The following QRSL1 variants were observed in gnomAD, a reference collection of about 807,000 sequenced individuals.
The protein encoded by QRSL1 is glutamyl-tRNA(Gln) amidotransferase subunit A, mitochondrial.
Under a neutral mutation model 61.6 loss-of-function variants are expected in QRSL1, and 54 were observed. The ratio of observed to expected loss-of-function variants is 0.88; its 90% confidence interval spans 0.70 to 1.10. The LOEUF is 1.10. Ranked by LOEUF, QRSL1 falls within the 50% of genes least tolerant of loss-of-function variation. QRSL1 has a pLI of 0.00. For missense variants in QRSL1, 505 were observed against 622.6 expected (o/e 0.81, Z 2.01); for synonymous variants, 228 against 225.7 (o/e 1.01, Z -0.09).
rs146849877 is a variant in QRSL1, at chr6:106,649,398, TTAAAA to T, written c.557+201_557+205del. Among the ~76,000 whole-genome samples the T allele has an allele frequency of 0.096, 14,654 of 152,230 alleles. 942 individuals are homozygous for T. The highest frequency in any genetic ancestry group is 0.18 in the African/African-American group (7,460 of 41,524). ...CTATGTATATTTAATACTTTTAACT[TTAAAA>T]TAACAAATTTTTCTCCATAGTATCT... is the stretch of plus-strand genomic sequence containing the variant. On this transcript the variant is annotated intron_variant, in intron 5 of 10. Coordinates refer to ENST00000369046, the MANE Select transcript of QRSL1 (RefSeq NM_018292.5).
At chr6:106,648,953 T>G in intron 4 of QRSL1, 72 bp from the exon 5 acceptor site, 1 of 1,473,268 alleles carries the variant, frequency 6.8e-7, no homozygotes, top group Non-Finnish European at 9.2e-7. Context: ...AAGCAAATAA[T>G]ATACTCAGAA....
At chr6:106,648,004 A>G (rs1777138402) in intron 4 of QRSL1, among the ~76,000 whole-genome samples, 1 of 151,394 alleles carries the variant, frequency 6.6e-6, no homozygotes, top group Non-Finnish European at 1.5e-5. Flanking sequence ...TAGATTCGAT[A>G]AAAGTATTGT....
chr6:106,649,323 C>CT, intron 5 of QRSL1, 122 bp downstream of exon 5: 1 of 899,340 alleles, frequency 1.1e-6, no homozygotes, highest in Non-Finnish European at 1.7e-6. Flanking sequence ...TATATGTGCT[C>CT]AAAGGTATAT....
At chr6:106,637,107 G>T (rs1486629468) in intron 1 of QRSL1, among the ~76,000 whole-genome samples, 1 of 152,170 alleles carries the variant, frequency 6.6e-6, no homozygotes, top group Non-Finnish European at 1.5e-5. Flanking sequence ...CAGCCCTCTC[G>T]ACCTCGTTGG....
At chr6:106,654,677 T>C in intron 7 of QRSL1, 53 bp from the exon 8 acceptor site, 1 of 1,466,662 alleles carries the variant, frequency 6.8e-7, no homozygotes, top group Non-Finnish European at 9.2e-7. Flanking sequence ...GTACAAATTT[T>C]TATAAAATAA....
intron 3 of QRSL1, chr6:106,642,437 C>G: frequency 3.3e-6 from 2 of 605,420 alleles, no homozygotes; most frequent in Non-Finnish European, 6.1e-6. Flanking sequence ...GCGGGAACCA[C>G]CATCATCCAG....
intron 1 of QRSL1, among the ~76,000 whole-genome samples, chr6:106,635,513 T>G (rs1222619258): frequency 6.6e-6 from 1 of 151,180 alleles, no homozygotes; most frequent in Non-Finnish European, 1.5e-5. Flanking sequence ...TACCCATCAC[T>G]GGAACACTCA....
intron 1 of QRSL1, 74 bp downstream of exon 1, chr6:106,629,779 G>A (rs1219271921): frequency 1.9e-6 from 3 of 1,546,180 alleles, no homozygotes; most frequent in African/African-American, 2.7e-5. Flanking sequence ...AAGAGTCCCT[G>A]GGCCTTACCA....
chr6:106,655,681 A>G lies in QRSL1; in HGVS notation c.1109A>G (p.Asn370Ser), dbSNP rs1777258845. 1.2e-6 allele frequency: 2 copies of G among 1,613,594 alleles called. No homozygotes were observed. Among genetic ancestry groups the G allele is most frequent in the Non-Finnish European group, 1.7e-6 (2 of 1,179,688 alleles). Residue 370 changes from asparagine (N) to serine (S), a missense_variant, in exon 9 of 11, where the codon AAT (asparagine) becomes AGT (serine). Coordinates refer to ENST00000369046, the MANE Select transcript of QRSL1 (RefSeq NM_018292.5). Reference protein sequence around the residue: ...MYAATRREGFNDVVRGRILSG... With the variant: ...MYAATRREGFSDVVRGRILSG... The stretch of plus-strand genomic sequence containing the variant: ...GCTGCAACCAGACGAGAAGGGTTTA[A>G]TGATGTGGTGAGAGGAAGAATTCTC...
intron 1 of QRSL1, among the ~76,000 whole-genome samples, chr6:106,636,520 C>T (rs968017816): frequency 2.0e-5 from 3 of 152,006 alleles, no homozygotes; most frequent in Non-Finnish European, 4.4e-5. Context: ...GGGGTTTCAC[C>T]GTGTTGGCCA....
At position 106,666,141 on chromosome 6, in the gene QRSL1, G is replaced by A. The variant is rs41292424; in HGVS notation, c.*139G>A. ...AGCCTGGTCAACATGGTGAAACCCC[G>A]TCTCTACTAAAAATACAAAAATTAG... On this transcript the variant is annotated 3_prime_UTR_variant, in exon 11 of 11. Coordinates refer to ENST00000369046, the MANE Select transcript of QRSL1 (RefSeq NM_018292.5). The A allele has an allele frequency of 5.7e-3, 3,970 of 694,918 alleles. 7 individuals are homozygous for A. Among genetic ancestry groups the A allele is most frequent in the Non-Finnish European group, 7.8e-3 (3,240 of 414,894 alleles). 43.0% of individuals were successfully genotyped at this position (694,918 alleles called of 1,614,324 possible).
At chr6:106,647,744 G>A (rs184135004) in intron 4 of QRSL1, among the ~76,000 whole-genome samples, 4,103 of 126,712 alleles carry the variant, frequency 0.032, 223 homozygotes, top group East Asian at 0.21. Context: ...TCCGCCTCCC[G>A]GGTTCACACC....
Position 106,659,192 on chromosome 6 carries a change from C to T in QRSL1, c.1160+3460C>T, listed in dbSNP as rs540246294. Among the ~76,000 whole-genome samples, 5 of 152,106 alleles carry T rather than the reference C, an allele frequency of 3.3e-5. No individual in the cohort carries two copies. In the South Asian group the frequency reaches 6.2e-4, roughly 19 times the overall value. ...ATATAGAACATATTTAGGCTGCGTG[C>T]GGTGGCTCACACCTGTAATCCCAGC... On this transcript the variant is annotated intron_variant, in intron 9 of 10. Transcript: ENST00000369046.
At chr6:106,639,114 TTGTTG>T (rs1776969040) in intron 1 of QRSL1, among the ~76,000 whole-genome samples, 2 of 70,536 alleles carry the variant, frequency 2.8e-5, no homozygotes, top group African/African-American at 1.2e-4. Flanking sequence ...TTTGTGTGTT[TTGTTG>T]TTTTTTTTTT....
At chr6:106,639,122 T>TG (rs1312681990) in intron 1 of QRSL1, among the ~76,000 whole-genome samples, 3 of 57,344 alleles carry the variant, frequency 5.2e-5, no homozygotes, top group African/African-American at 1.7e-4. Context: ...TTTTGTTGTT[T>TG]TTTTTTTTTT....
chr6:106,654,473 C>G (rs1046152892), intron 7 of QRSL1, among the ~76,000 whole-genome samples: 1 of 67,682 alleles, frequency 1.5e-5, no homozygotes, highest in African/African-American at 4.6e-5. Flanking sequence ...CAAATATTTT[C>G]CCCAACCAGA....
In QRSL1 at chr6:106,667,450, A is replaced by C. The variant is rs1483569753; in HGVS notation, c.*1448A>C. On this transcript the variant is annotated 3_prime_UTR_variant, in exon 11 of 11. Coordinates refer to ENST00000369046, the MANE Select transcript of QRSL1 (RefSeq NM_018292.5). ...TTCACTAGAACACCATTGTCATCTC[A>C]TATTGATCAGGTATTTTAATCTAGC... 2.6e-5 allele frequency: 4 copies of C among 152,208 alleles called. No homozygotes were observed. Among genetic ancestry groups the C allele is most frequent in the Non-Finnish European group, 4.4e-5 (3 of 68,036 alleles). The allele number at this position is 152,208 out of a possible 1,614,324, so 9.4% of individuals were successfully genotyped here. A position where few individuals can be genotyped will look rare whatever the true frequency, so the allele number is the denominator to read the frequency against.
chr6:106,652,858 AG>A (rs1777210853), intron 7 of QRSL1: 1 of 1,149,096 alleles, frequency 8.7e-7, no homozygotes. Context: ...CAAATATTTT[AG>A]ATTTTGTGGA....
In QRSL1 at chr6:106,652,651, C is replaced by T. The variant is rs758624838; in HGVS notation, c.849+69C>T. On this transcript the variant is annotated intron_variant, in intron 7 of 10. Coordinates refer to ENST00000369046, the MANE Select transcript of QRSL1 (RefSeq NM_018292.5). ...CAATAGAGAGCACAGACTTGGGAGG[C>T]GGATTGGGTGGGTTTGAATCTCTGC... The T allele has an allele frequency of 5.6e-6, 9 of 1,600,760 alleles. No homozygotes were observed. Among genetic ancestry groups the T allele is most frequent in the Middle Eastern group, 3.3e-4 (2 of 6,072 alleles).
Sources: gnomAD v4.1 joint callset for allele counts (sites outside exome capture counted in the v4.1 genomes callset) on GRCh38, gnomAD v4.1.1 for gene constraint, MANE v1.5 for transcripts, NCBI Gene and HGNC (gene_info 2026-07-23, HGNC 2026-07-21) for gene names.